Variants in COL23A1 observed in about 807,000 individuals in gnomAD.
COL23A1 encodes collagen type XXIII alpha 1 chain, also known as collagen alpha-1(XXIII) chain.
A neutral mutation model predicts 99.3 loss-of-function variants in COL23A1; 97 were observed. That is an observed-to-expected ratio of 0.98 (90% CI 0.83 to 1.16). COL23A1 has a LOEUF of 1.16. Among genes scored for constraint, COL23A1 ranks in the 50% most tolerant of loss-of-function variants. The pLI, the probability that COL23A1 is intolerant of heterozygous loss-of-function variation, is 0.00. For synonymous variants in COL23A1, 320 were observed against 308.2 expected (o/e 1.04, Z -0.40); for missense variants, 762 against 757.4 (o/e 1.01, Z -0.07).
intron 10 of COL23A1, 88 bp from the exon 11 acceptor site, chr5:178,261,836 T>C: frequency 8.7e-7 from 1 of 1,154,790 alleles, no homozygotes; most frequent in Non-Finnish European, 1.3e-6. Context: ...TTGTAAAAGG[T>C]GACACCAATC....
At chr5:178,329,326 C>T (rs766036741) in intron 2 of COL23A1, among the ~76,000 whole-genome samples, 8 of 152,152 alleles carry the variant, frequency 5.3e-5, no homozygotes, top group Non-Finnish European at 1.2e-4. Flanking sequence ...GACAACTGGA[C>T]GGGGCCCCAG....
At chr5:178,260,376 A>AAAG (rs1561800271) in intron 11 of COL23A1, among the ~76,000 whole-genome samples, 2 of 152,198 alleles carry the variant, frequency 1.3e-5, no homozygotes, top group African/African-American at 4.8e-5. Flanking sequence ...CAAGCCATGA[A>AAAG]AAGACATGGA....
rs1022222685 is a variant in COL23A1 at position 178,313,181 on chromosome 5, G to T, written c.362-6262C>A. 6.6e-6 allele frequency among the ~76,000 whole-genome samples: 1 copy of T among 152,158 alleles called. No individual in the cohort carries two copies. Among genetic ancestry groups the T allele is most frequent in the Non-Finnish European group, 1.5e-5 (1 of 68,024 alleles). ...AGAAGGTGGAATAGGGGGTGCCATC[G>T]GTGGGCTGGGCTAGGGGAGGCGAGA... On this transcript the variant is annotated intron_variant, in intron 2 of 28. Transcript: ENST00000390654. The surrounding 1 kb of genome is among the most constrained non-coding windows in gnomAD (Gnocchi z 4.2).
intron 2 of COL23A1, among the ~76,000 whole-genome samples, chr5:178,357,300 C>T (rs1561893893): frequency 6.6e-6 from 1 of 152,192 alleles, no homozygotes; most frequent in Non-Finnish European, 1.5e-5. Context: ...GGTCTGTCCA[C>T]GCCCTCAGGA....
intron 2 of COL23A1, chr5:178,351,209 G>C (rs1055445669): frequency 2.6e-5 from 4 of 152,342 alleles, no homozygotes; most frequent in African/African-American, 9.7e-5. Flanking sequence ...GGTGAGCAGG[G>C]GGATTCTGGC....
chr5:178,526,791 A>C (rs1760335901), intron 2 of COL23A1, among the ~76,000 whole-genome samples: 1 of 151,958 alleles, frequency 6.6e-6, no homozygotes, highest in Admixed American at 6.6e-5. Context: ...CCTCAGCCTC[A>C]CTCCTCTGCT....
chr5:178,292,778 G>A (rs60898078), intron 3 of COL23A1, among the ~76,000 whole-genome samples: 3,585 of 152,278 alleles, frequency 0.024, 120 homozygotes, highest in African/African-American at 0.081. Context: ...TGGGGCTGCC[G>A]TCAACAGAGG....
chr5:178,271,330 G>A (rs1756275473), intron 5 of COL23A1, among the ~76,000 whole-genome samples: 1 of 152,190 alleles, frequency 6.6e-6, no homozygotes, highest in East Asian at 1.9e-4. Context: ...CCGCAGCAAC[G>A]ATGCACACAG....
intron 28 of COL23A1, 104 bp from the exon 29 acceptor site, chr5:178,238,804 T>C (rs2127518866): frequency 1.4e-6 from 2 of 1,467,194 alleles, no homozygotes; most frequent in East Asian, 4.5e-5. Context: ...TTTCCTCCTA[T>C]CTTCCCTCCC....
At chr5:178,315,310 G>A (rs1249181089) in intron 2 of COL23A1, among the ~76,000 whole-genome samples, 1 of 152,296 alleles carries the variant, frequency 6.6e-6, no homozygotes, top group East Asian at 1.9e-4. Flanking sequence ...GCAAGGGGGT[G>A]CCCGGTGGGC....
At chr5:178,561,238 C>T (rs1762544336) in intron 1 of COL23A1, among the ~76,000 whole-genome samples, 1 of 152,244 alleles carries the variant, frequency 6.6e-6, no homozygotes. Context: ...GACCTGATGG[C>T]CCGGGTTGAA....
rs72820904 is a variant in COL23A1, at chr5:178,313,037, C to T, written c.362-6118G>A. 1.3e-5 allele frequency among the ~76,000 whole-genome samples: 2 copies of T among 152,242 alleles called. No individual in the cohort carries two copies. The highest frequency in any genetic ancestry group is 2.1e-4 in the South Asian group (1 of 4,822). On this transcript the variant is annotated intron_variant, in intron 2 of 28. Transcript: ENST00000390654. This position sits in a 1 kb window ranked among gnomAD's most constrained non-coding sequence, Gnocchi z 4.2. ...CTGGAGAGGAAGGAGTTCCTGCGCA[C>T]GCTGCAGCATGATGGGCCTGGAGGA...
chr5:178,306,968 C>T lies in COL23A1; in HGVS notation c.362-49G>A, dbSNP rs1328479225. 1.4e-6 allele frequency: 2 copies of T among 1,384,622 alleles called. No homozygotes were observed. Among genetic ancestry groups the T allele is most frequent in the Non-Finnish European group, 1.9e-6 (2 of 1,045,402 alleles). The allele number at this position is 1,384,622 out of a possible 1,614,324, so 85.8% of individuals were successfully genotyped here. A position where few individuals can be genotyped will look rare whatever the true frequency, so the allele number is the denominator to read the frequency against. ...TTCATTGAGAAGGGAAGCCAGTGGA[C>T]TTGGCTGCGTGGGGCATGCCCCAGC... On this transcript the variant is annotated intron_variant, in intron 2 of 28. Transcript: ENST00000390654. The surrounding 1 kb of genome is among the most constrained non-coding windows in gnomAD (Gnocchi z 4.1).
At chr5:178,486,603 T>C (rs1757645074) in intron 2 of COL23A1, among the ~76,000 whole-genome samples, 2 of 151,770 alleles carry the variant, frequency 1.3e-5, no homozygotes, top group African/African-American at 4.8e-5. Context: ...GACAGTTGGG[T>C]GGTTTTGTGA....
chr5:178,528,703 G>A (rs536001774), intron 2 of COL23A1, among the ~76,000 whole-genome samples: 43 of 152,300 alleles, frequency 2.8e-4, no homozygotes, highest in Non-Finnish European at 5.7e-4. Context: ...CCAGATACTC[G>A]GGAGGTTGAG....
chr5:178,248,670 A>G (rs933666671), intron 19 of COL23A1, among the ~76,000 whole-genome samples: 1 of 152,166 alleles, frequency 6.6e-6, no homozygotes, highest in South Asian at 2.1e-4. Context: ...GCTGTGTGCC[A>G]GCCACCACTG....
chr5:178,538,268 A>G (rs868520927), intron 2 of COL23A1, among the ~76,000 whole-genome samples: 2 of 152,190 alleles, frequency 1.3e-5, no homozygotes, highest in Admixed American at 6.5e-5. Flanking sequence ...GAAGAAACTT[A>G]ACGCCTCTCT....
chr5:178,521,135 C>A (rs1335418646), intron 2 of COL23A1, among the ~76,000 whole-genome samples: 4 of 152,208 alleles, frequency 2.6e-5, no homozygotes, highest in Non-Finnish European at 5.9e-5. Context: ...ATTTATATAT[C>A]TAAACATACC....
chr5:178,283,169 A>T (rs1331441379), intron 5 of COL23A1, among the ~76,000 whole-genome samples: 1 of 152,140 alleles, frequency 6.6e-6, no homozygotes, highest in Non-Finnish European at 1.5e-5. Flanking sequence ...TACAGGCGTG[A>T]GCCACCGCGC....
Sources: allele counts gnomAD v4.1 joint callset (sites outside exome capture counted in the v4.1 genomes callset), GRCh38; gene constraint gnomAD v4.1.1; non-coding constraint Gnocchi (gnomAD v3.1); transcripts MANE v1.5; gene names NCBI Gene and HGNC (gene_info 2026-07-23, HGNC 2026-07-21).